Variants in RPH3AL observed in about 807,000 individuals in gnomAD.
The protein encoded by RPH3AL is rabphilin 3A like (without C2 domains).
Under a neutral mutation model 43.1 loss-of-function variants are expected in RPH3AL, and 38 were observed. The observed-to-expected ratio is 0.88, with a 90% CI of 0.68 to 1.15. RPH3AL has a LOEUF of 1.15. RPH3AL is among the 50% of genes most tolerant of loss of function. The pLI, the probability that RPH3AL is intolerant of heterozygous loss-of-function variation, is 0.00. For missense variants in RPH3AL, 462 were observed against 423.2 expected, an observed-to-expected ratio of 1.09 and a Z score of -0.81; for synonymous variants, 189 against 176.3, an observed-to-expected ratio of 1.07 and a Z score of -0.57.
At chr17:282,194 G>A (rs935622465) in intron 5 of RPH3AL, among the ~76,000 whole-genome samples, 7 of 152,196 alleles carry the variant, frequency 4.6e-5, no homozygotes, top group African/African-American at 9.7e-5. Flanking sequence ...AGGCAAACAC[G>A]ACAGCACGTG....
At chr17:294,451 C>T (rs2043121606) in intron 5 of RPH3AL, among the ~76,000 whole-genome samples, 1 of 152,240 alleles carries the variant, frequency 6.6e-6, no homozygotes. Flanking sequence ...GAGACCCAGA[C>T]TCGAATTTTA....
intron 7 of RPH3AL, among the ~76,000 whole-genome samples, chr17:241,751 CTCTT>C (rs1313956501): frequency 8.2e-6 from 1 of 122,412 alleles, no homozygotes; most frequent in Non-Finnish European, 1.7e-5. Flanking sequence ...CGGAGTCTTG[CTCTT>C]TCTCTTTTTC....
At chr17:270,727 C>T (rs888793070) in intron 6 of RPH3AL, among the ~76,000 whole-genome samples, 5 of 152,090 alleles carry the variant, frequency 3.3e-5, no homozygotes. Flanking sequence ...CTGTAGGTTG[C>T]CTGTTCACTT....
chr17:310,596 G>A (rs76255246), intron 5 of RPH3AL, among the ~76,000 whole-genome samples: 10 of 152,116 alleles, frequency 6.6e-5, no homozygotes, highest in Admixed American at 2.0e-4. Flanking sequence ...CCCAGAAACC[G>A]GCAGTCCCAG....
intron 5 of RPH3AL, among the ~76,000 whole-genome samples, chr17:294,560 GGGACAGAGGAGCTGCAGAAATGGAT>G (rs2043125330): frequency 2.0e-5 from 3 of 147,890 alleles, no homozygotes; most frequent in East Asian, 2.0e-4. Flanking sequence ...CAGTGTGGGA[GGGACAGAGGAGCTGCAGAAATGGAT>G]GGACAGAGGG....
chr17:315,502 A>AC (rs2043979726), intron 5 of RPH3AL, among the ~76,000 whole-genome samples: 1 of 30,974 alleles, frequency 3.2e-5, no homozygotes. Context: ...AGTCCCTGTG[A>AC]CTCCACCTCC....
rs201479486 is a variant in RPH3AL at position 254,401 on chromosome 17, A to G, written c.439-7116T>C. Among the ~76,000 whole-genome samples, 8 of 7,738 alleles carry G rather than the reference A, an allele frequency of 1.0e-3. 2 individuals carry two copies. The African/African-American group carries it at 0.013, about 12-fold the overall frequency. 5.1% of individuals were successfully genotyped at this position (7,738 alleles called of 152,430 possible). ...AGCTGCACGGCGTCTGTCCTGTTCC[A>G]TCCCTAGGAACGTGACTACCCTACG... On this transcript the variant is annotated intron_variant, in intron 6 of 9. Transcript: ENST00000331302.
At position 344,063 on chromosome 17, in the gene RPH3AL, GTCA is replaced by G. The variant is rs746398441; in HGVS notation, c.-213+8646_-213+8648del. ...CATCACCATCATCATCGTCACCACT[GTCA>G]TCATCGTCATCACTATCACCATCAT... On this transcript the variant is annotated intron_variant, in intron 1 of 9. Transcript: ENST00000331302. Among the ~76,000 whole-genome samples, 28 of 82,880 alleles carry G rather than the reference GTCA, an allele frequency of 3.4e-4. 5 individuals are homozygous for G. The highest frequency in any genetic ancestry group is 9.3e-3 in the Middle Eastern group (1 of 108). 54.4% of individuals were successfully genotyped at this position (82,880 alleles called of 152,430 possible). A position where few individuals can be genotyped will look rare whatever the true frequency, so the allele number is the denominator to read the frequency against.
intron 7 of RPH3AL, among the ~76,000 whole-genome samples, chr17:230,363 GGAA>G (rs1437109633): frequency 1.3e-5 from 2 of 152,252 alleles, no homozygotes; most frequent in Non-Finnish European, 2.9e-5. Flanking sequence ...GTGGATGGAC[GGAA>G]GAAGAGATCG....
At chr17:269,076 C>T (rs1198145144) in intron 6 of RPH3AL, among the ~76,000 whole-genome samples, 3 of 152,138 alleles carry the variant, frequency 2.0e-5, no homozygotes, top group African/African-American at 7.2e-5. Context: ...GACGGGGTTT[C>T]ACCGTGTTAG....
intron 5 of RPH3AL, among the ~76,000 whole-genome samples, chr17:295,355 CG>C (rs1362130131): frequency 6.9e-5 from 6 of 86,894 alleles, no homozygotes; most frequent in Admixed American, 2.5e-4. Flanking sequence ...CAGAAATGGA[CG>C]GGCAGAGGGA....
chr17:219,192 C>CTTTTTTTTTTTTTT (rs796389217), intron 8 of RPH3AL, among the ~76,000 whole-genome samples: 3 of 58,004 alleles, frequency 5.2e-5, no homozygotes, highest in African/African-American at 1.6e-4. Flanking sequence ...ATAAACAGCA[C>CTTTTTTTTTTTTTT]TTTTTTTTTT....
intron 6 of RPH3AL, among the ~76,000 whole-genome samples, chr17:252,257 G>A (rs577435802): frequency 4.4e-4 from 67 of 152,040 alleles, no homozygotes; most frequent in Non-Finnish European, 7.6e-4. Context: ...TTACAAACAC[G>A]AGCCACCACG....
intron 7 of RPH3AL, among the ~76,000 whole-genome samples, chr17:244,262 ACCTTCCTCTATTGATTAC>A (rs1555538761): frequency 1.3e-5 from 2 of 149,574 alleles, no homozygotes; most frequent in African/African-American, 4.9e-5. Flanking sequence ...TCTATTGATT[ACCTTCCTCTATTGATTAC>A]CCTTCCTCTA....
chr17:235,385 C>G (rs1414813697), intron 7 of RPH3AL, among the ~76,000 whole-genome samples: 11 of 122,642 alleles, frequency 9.0e-5, no homozygotes, highest in African/African-American at 1.9e-4. Flanking sequence ...AGGCTCTACA[C>G]TAACAAGACA....
At chr17:275,400 A>G (rs1429279197) in intron 6 of RPH3AL, among the ~76,000 whole-genome samples, 1 of 152,142 alleles carries the variant, frequency 6.6e-6, no homozygotes, top group Non-Finnish European at 1.5e-5. Context: ...TGTCGAATAA[A>G]GAAGAAATGC....
In RPH3AL at chr17:250,404, G is replaced by A. The variant is rs142472054; in HGVS notation, c.439-3119C>T. Among the ~76,000 whole-genome samples, 5 of 134,506 alleles carry A rather than the reference G, an allele frequency of 3.7e-5. 1 individual carries two copies. The East Asian group carries it at 7.2e-4, about 19-fold the overall frequency. 88.2% of individuals were successfully genotyped at this position (134,506 alleles called of 152,430 possible). On this transcript the variant is annotated intron_variant, in intron 6 of 9. Coordinates refer to ENST00000331302, the MANE Select transcript of RPH3AL (RefSeq NM_006987.4). ...GACCTCTCAGAGCCTAAGCTCCGTCGCTGCGGGACCTCTCAGAGCCTTTAC... is the reference window on the plus strand; with the variant it reads ...GACCTCTCAGAGCCTAAGCTCCGTCACTGCGGGACCTCTCAGAGCCTTTAC...
chr17:227,930 A>G (rs1421202953), intron 7 of RPH3AL, among the ~76,000 whole-genome samples: 4 of 152,206 alleles, frequency 2.6e-5, no homozygotes, highest in Non-Finnish European at 5.9e-5. Flanking sequence ...CTGGGAGTGT[A>G]GACACTCCCA....
chr17:318,254 C>T (rs749030934), intron 5 of RPH3AL, among the ~76,000 whole-genome samples: 1 of 152,114 alleles, frequency 6.6e-6, no homozygotes, highest in Non-Finnish European at 1.5e-5. Context: ...TGGTGGCATG[C>T]ACCTGTAATC....
Sources: allele counts gnomAD v4.1 joint callset (sites outside exome capture counted in the v4.1 genomes callset), GRCh38; gene constraint gnomAD v4.1.1; transcripts MANE v1.5; gene names NCBI Gene and HGNC (gene_info 2026-07-23, HGNC 2026-07-21).